LIMS2: variants seen among roughly 807,000 people sequenced by gnomAD.
LIMS2 encodes LIM and senescent cell antigen-like-containing domain protein 2.
LIMS2 carries 30 observed loss-of-function variants against 45.3 expected under a neutral mutation model. The ratio of observed to expected loss-of-function variants is 0.66; its 90% CI spans 0.50 to 0.90. LIMS2 has a LOEUF of 0.90. Ranked by LOEUF, LIMS2 falls within the 40% of genes least tolerant of loss-of-function variation. The pLI, the probability that LIMS2 is intolerant of heterozygous loss-of-function variation, is 0.00. For synonymous variants in LIMS2, 173 were observed against 188.0 expected, an observed-to-expected ratio of 0.92 and a Z score of 0.65; for missense variants, 485 against 468.7, an observed-to-expected ratio of 1.03 and a Z score of -0.32.
At position 127,656,361 on chromosome 2, in the gene LIMS2, G is replaced by A. The variant is rs189902797; in HGVS notation, c.171+1042C>T. ...CTGGCCCAGCCTCTGTTCCTGCCCC[G>A]CCTTACATCCTCTCCTCAGCACAGC... On this transcript the variant is annotated intron_variant, in intron 2 of 9. Transcript: ENST00000355119. 1.3e-4 allele frequency among the ~76,000 whole-genome samples: 20 copies of A among 150,060 alleles called. 1 individual carries two copies. Among genetic ancestry groups the A allele is most frequent in the Non-Finnish European group, 2.2e-4 (15 of 67,746 alleles).
chr2:127,659,507 T>C (rs1489315092), intron 1 of LIMS2, among the ~76,000 whole-genome samples: 1 of 152,198 alleles, frequency 6.6e-6, no homozygotes, highest in Non-Finnish European at 1.5e-5. Context: ...GGGCAGGGCT[T>C]CACTAGGACA....
At chr2:127,661,846 G>A (rs367677595) in intron 1 of LIMS2, among the ~76,000 whole-genome samples, 36 of 152,198 alleles carry the variant, frequency 2.4e-4, no homozygotes, top group Non-Finnish European at 2.8e-4. Context: ...AGCACAGAGA[G>A]AGTCAGTAAC....
chr2:127,662,178 G>A (rs1684713722), intron 1 of LIMS2, among the ~76,000 whole-genome samples: 1 of 152,164 alleles, frequency 6.6e-6, no homozygotes, highest in African/African-American at 2.4e-5. Flanking sequence ...CTGCAGCACA[G>A]GACTCTGAAC....
chr2:127,654,628 T>G, intron 3 of LIMS2, 84 bp from the exon 4 acceptor site: 2 of 1,588,542 alleles, frequency 1.3e-6, no homozygotes, highest in Non-Finnish European at 1.7e-6. Context: ...CACCTAGCAC[T>G]CCGCCTGCTC....
At chr2:127,673,859 G>A (rs1685387764) in intron 1 of LIMS2, 1 of 851,524 alleles carries the variant, frequency 1.2e-6, no homozygotes, top group Non-Finnish European at 1.9e-6. Flanking sequence ...GCCTGCAGAT[G>A]CCACTCTCCG....
rs766044187 is a variant in LIMS2, at chr2:127,642,076, G to A, written c.633C>T (p.Asn211=). ...CRRPIEGRVV[N]ALGKQWHVEH... ...CCACGTGCCACTGCTTGCCCAGCGC[G>A]TTGACCACTCGGCCCTCGATGGGCC... Residue 211 remains asparagine, a synonymous_variant, in exon 6 of 10, where the codon AAC becomes AAT. Transcript: ENST00000355119. This position sits in a 1 kb window ranked among gnomAD's most constrained non-coding sequence, Gnocchi z 5.3. 32 of 1,611,148 alleles carry A rather than the reference G, an allele frequency of 2.0e-5. No homozygotes were observed. The highest frequency in any genetic ancestry group is 1.3e-4 in the East Asian group (6 of 44,812).
chr2:127,655,359 C>A (rs944584231), intron 2 of LIMS2: 2 of 200,692 alleles, frequency 1.0e-5, no homozygotes, highest in South Asian at 1.8e-4. Context: ...AGGGCCTGGG[C>A]ACGGGGAAGT....
In LIMS2 at chr2:127,671,699, C is replaced by T. The variant is rs148443148; in HGVS notation, c.11+3315G>A. 4.2e-4 allele frequency among the ~76,000 whole-genome samples: 64 copies of T among 152,340 alleles called. No homozygotes were observed. Among genetic ancestry groups the T allele is most frequent in the Non-Finnish European group, 8.4e-4 (57 of 68,030 alleles). ...ATCAGTCCCTCCATCCCTATTATGC[C>T]ACTGGCCGGCTAGAAGGGGCCAGTC... On this transcript the variant is annotated intron_variant, in intron 1 of 9. Transcript: ENST00000355119. This position sits in a 1 kb window ranked among gnomAD's most constrained non-coding sequence, Gnocchi z 4.1.
At chr2:127,643,706 T>G (rs72960578) in intron 4 of LIMS2, among the ~76,000 whole-genome samples, 3 of 152,200 alleles carry the variant, frequency 2.0e-5, no homozygotes, top group African/African-American at 2.4e-5. Flanking sequence ...CAAATCAACA[T>G]GGTTTCTGTT....
At chr2:127,668,497 G>A (rs1005849040) in intron 1 of LIMS2, among the ~76,000 whole-genome samples, 12 of 150,948 alleles carry the variant, frequency 7.9e-5, no homozygotes, top group African/African-American at 1.9e-4. Flanking sequence ...GGCAAAACCC[G>A]ATCTCTACTA....
chr2:127,657,577 C>T lies in LIMS2; in HGVS notation c.12-15G>A. 6.3e-7 allele frequency: 1 copy of T among 1,584,976 alleles called. No individual in the cohort carries two copies. Among genetic ancestry groups the T allele is most frequent in the Non-Finnish European group, 8.6e-7 (1 of 1,164,798 alleles). On this transcript the variant is annotated splice_polypyrimidine_tract_variant and intron_variant, in intron 1 of 9. Coordinates refer to ENST00000355119, the MANE Select transcript of LIMS2 (RefSeq NM_001161403.3). ...CCGACATATTGCTGGGGGCAGGAGA[C>T]AGGAGGAGTGAGTCAGAGCTGGTCA... is the stretch of plus-strand genomic sequence containing the variant.
chr2:127,673,363 C>T (rs1188272726), intron 1 of LIMS2, among the ~76,000 whole-genome samples: 3 of 152,166 alleles, frequency 2.0e-5, no homozygotes, highest in Non-Finnish European at 4.4e-5. Flanking sequence ...GGACGAGGAA[C>T]GCCCTACACA....
At chr2:127,649,084 AAAAAAAG>A (rs1447586018) in intron 4 of LIMS2, among the ~76,000 whole-genome samples, 1 of 141,460 alleles carries the variant, frequency 7.1e-6, no homozygotes, top group Non-Finnish European at 1.6e-5. Flanking sequence ...AAAAGAAAAG[AAAAAAAG>A]AAAAAAGAAA....
chr2:127,663,651 C>T (rs1474984153), intron 1 of LIMS2, among the ~76,000 whole-genome samples: 2 of 151,724 alleles, frequency 1.3e-5, no homozygotes, highest in Admixed American at 1.3e-4. Flanking sequence ...CCCTTCTGCC[C>T]AGCCTTGGCC....
chr2:127,654,399 C>T lies in LIMS2; in HGVS notation c.359+25G>A, dbSNP rs1398936691. 4 of 1,613,722 alleles carry T rather than the reference C, an allele frequency of 2.5e-6. No homozygotes were observed. The South Asian group carries it at 4.4e-5, about 18-fold the overall frequency. On this transcript the variant is annotated intron_variant, in intron 4 of 9. Transcript: ENST00000355119. ...CCAGGAAGGGCTGTGGCCCAGTCCT[C>T]TCTGGCCCAACACGGCCACCTCACC...
intron 4 of LIMS2, chr2:127,652,096 T>C (rs75481294): frequency 8.3e-5 from 27 of 324,382 alleles, no homozygotes; most frequent in Admixed American, 2.3e-4. Flanking sequence ...CGCTACAGAA[T>C]CGCTCATCGG....
rs1195128385 is a variant in LIMS2, at chr2:127,664,243, T to C, written c.12-6681A>G. ...CCGGTCGGGTTTCCGAGGGAAGGCC[T>C]GCCCTGCCGCCGCAGCTTTCCGGCC... On this transcript the variant is annotated intron_variant, in intron 1 of 9. Transcript: ENST00000355119. The surrounding 1 kb of genome is among the most constrained non-coding windows in gnomAD (Gnocchi z 5.5). The C allele has an allele frequency of 2.2e-5, 26 of 1,200,004 alleles. No individual in the cohort carries two copies. The highest frequency in any genetic ancestry group is 3.2e-5 in the African/African-American group (2 of 62,996). 74.3% of individuals were successfully genotyped at this position (1,200,004 alleles called of 1,614,324 possible). A position where few individuals can be genotyped will look rare whatever the true frequency, so the allele number is the denominator to read the frequency against.
chr2:127,669,080 G>A (rs1685165286), intron 1 of LIMS2, among the ~76,000 whole-genome samples: 1 of 152,142 alleles, frequency 6.6e-6, no homozygotes, highest in Non-Finnish European at 1.5e-5. Flanking sequence ...GTGAAAGAGT[G>A]AAACCCTGTC....
Position 127,662,147 on chromosome 2 carries a change from G to A in LIMS2, c.12-4585C>T, listed in dbSNP as rs114749300. Reference sequence around the variant, plus strand: ...CACACCAGGCTGCAACCCTGGCCCCGACGCCCCCTGTCTGTGTGACCTGCA... The same window carrying A: ...CACACCAGGCTGCAACCCTGGCCCCAACGCCCCCTGTCTGTGTGACCTGCA... On this transcript the variant is annotated intron_variant, in intron 1 of 9. Transcript: ENST00000355119. 6.6e-3 allele frequency among the ~76,000 whole-genome samples: 1,009 copies of A among 152,212 alleles called. 16 individuals are homozygous for A. Among genetic ancestry groups the A allele is most frequent in the African/African-American group, 0.023 (954 of 41,524 alleles).
Sources: gnomAD v4.1 joint callset for allele counts (sites outside exome capture counted in the v4.1 genomes callset) on GRCh38, gnomAD v4.1.1 for gene constraint, Gnocchi (gnomAD v3.1) non-coding constraint, MANE v1.5 for transcripts, NCBI Gene and HGNC (gene_info 2026-07-23, HGNC 2026-07-21) for gene names.